Variants in HELQ observed in about 807,000 individuals in gnomAD.
HELQ encodes the protein helicase POLQ-like.
Under a neutral mutation model 111.6 loss-of-function variants are expected in HELQ, and 77 were observed. The observed-to-expected ratio is 0.69, with a 90% CI of 0.57 to 0.83. HELQ has a LOEUF of 0.83. Among genes scored for constraint, HELQ ranks in the 40% least tolerant of loss-of-function variants. The pLI is 0.00. For synonymous variants in HELQ, 438 were observed against 454.7 expected (o/e 0.96, Z 0.47); for missense variants, 1,200 against 1,288.5 (o/e 0.93, Z 1.05).
intron 17 of HELQ, among the ~76,000 whole-genome samples, chr4:83,412,335 A>T (rs1040739982): frequency 6.6e-6 from 1 of 152,188 alleles, no homozygotes; most frequent in African/African-American, 2.4e-5. Flanking sequence ...AGAATACTGG[A>T]TCTGAGTCTG....
rs746574768 is a variant in HELQ, at chr4:83,437,003, T to G, written c.1903A>C (p.Thr635Pro). ...NGNLCPVLKR[T>P]IPFGVAYHHS... Reference sequence around the variant, plus strand: ...TGATAGGCAACTCCAAATGGGATAGTGCGCTTTAAAACAGGACACAGGTTG... The same window carrying G: ...TGATAGGCAACTCCAAATGGGATAGGGCGCTTTAAAACAGGACACAGGTTG... Residue 635 changes from threonine (T) to proline (P), a missense_variant, in exon 9 of 18, where the codon ACT becomes CCT. Transcript: ENST00000295488. The G allele has an allele frequency of 2.5e-6, 4 of 1,614,170 alleles. No individual in the cohort carries two copies. The highest frequency in any genetic ancestry group is 1.6e-4 in the Middle Eastern group (1 of 6,062).
chr4:83,444,773 G>C (rs369014463), intron 5 of HELQ, among the ~76,000 whole-genome samples: 7 of 152,158 alleles, frequency 4.6e-5, no homozygotes, highest in Admixed American at 1.3e-4. Context: ...TGAAGAGGTG[G>C]GCATGGGGTC....
chr4:83,431,744 A>G lies in HELQ; in HGVS notation c.2215T>C (p.Leu739=), dbSNP rs770960260. The G allele has an allele frequency of 3.7e-5, 56 of 1,529,546 alleles. No homozygotes were observed. Among genetic ancestry groups the G allele is most frequent in the Non-Finnish European group, 4.7e-5 (53 of 1,133,258 alleles). The allele number at this position is 1,529,546 out of a possible 1,614,324, so 94.7% of individuals were successfully genotyped here. A position where few individuals can be genotyped will look rare whatever the true frequency, so the allele number is the denominator to read the frequency against. Residue 739 remains leucine (L), a synonymous_variant, in exon 11 of 18, where the codon TTG becomes CTG. Coordinates refer to ENST00000295488, the MANE Select transcript of HELQ (RefSeq NM_133636.5). Reference sequence around the variant, plus strand: ...ACAAGATGGCTGTAACAGTTTTCCAATGGTTTAGTTATTAACTCCAATACC... The same window carrying G: ...ACAAGATGGCTGTAACAGTTTTCCAGTGGTTTAGTTATTAACTCCAATACC... ...QQVLELITKP[L]ENCYSHLVQE...
intron 14 of HELQ, among the ~76,000 whole-genome samples, chr4:83,422,533 A>G (rs1315683309): frequency 2.6e-5 from 4 of 152,182 alleles, no homozygotes; most frequent in Non-Finnish European, 5.9e-5. Flanking sequence ...GTGAAGATGG[A>G]GGCTGAGATT....
chr4:83,446,761 A>T (rs1721070977), intron 4 of HELQ, 74 bp downstream of exon 4: 1 of 885,568 alleles, frequency 1.1e-6, no homozygotes, highest in Non-Finnish European at 1.8e-6. Flanking sequence ...TACTAAGTAG[A>T]TCCACACAAT....
chr4:83,414,616 AAT>A (rs1296770460), intron 17 of HELQ, among the ~76,000 whole-genome samples: 3 of 152,202 alleles, frequency 2.0e-5, no homozygotes, highest in African/African-American at 7.2e-5. Context: ...CAAAATAAGT[AAT>A]GTTATTAATG....
Position 83,441,403 on chromosome 4 carries a change from C to G in HELQ, c.1564G>C (p.Val522Leu). The G allele has an allele frequency of 1.4e-6, 2 of 1,407,962 alleles. No homozygotes were observed. Among genetic ancestry groups the G allele is most frequent in the Non-Finnish European group, 2.0e-6 (2 of 1,002,862 alleles). The allele number at this position is 1,407,962 out of a possible 1,614,324, so 87.2% of individuals were successfully genotyped here. Residue 522 changes from valine (V) to leucine (L), a missense_variant and splice_region_variant, in exon 7 of 18, where the codon GTT (valine) becomes CTT (leucine). Around this residue, in one of 3 missense-constraint regions of HELQ, gnomAD observed 585 missense variants for 665.3 expected, o/e 0.88. Transcript: ENST00000295488. The stretch of plus-strand genomic sequence containing the variant: ...ATTTTCAGATATTCTTTTAACTCAA[C>G]CTTGAATTAAAAGGACATTTGCAAT... The part of the protein sequence containing the change: ...AEYYTSQFRP[V>L]ELKEYLKIND...
At chr4:83,420,575 C>CCA in intron 15 of HELQ, among the ~76,000 whole-genome samples, 1 of 151,960 alleles carries the variant, frequency 6.6e-6, no homozygotes, top group Non-Finnish European at 1.5e-5. Context: ...ACTTGAGGTC[C>CCA]GGAGTTCGAG....
chr4:83,410,726 A>G (rs1739040786), intron 17 of HELQ, among the ~76,000 whole-genome samples: 1 of 152,176 alleles, frequency 6.6e-6, no homozygotes, highest in Admixed American at 6.6e-5. Context: ...TTCACTTATA[A>G]CTAATAGAAT....
chr4:83,434,587 C>T (rs1399800766), intron 9 of HELQ, among the ~76,000 whole-genome samples: 3 of 152,024 alleles, frequency 2.0e-5, no homozygotes, highest in Non-Finnish European at 2.9e-5. Flanking sequence ...CTCAGCCTCT[C>T]GAGCAGCTGG....
chr4:83,410,058 C>T (rs1739004317), intron 17 of HELQ, among the ~76,000 whole-genome samples: 1 of 152,048 alleles, frequency 6.6e-6, no homozygotes, highest in Non-Finnish European at 1.5e-5. Flanking sequence ...AGAGACCAGC[C>T]TGGGCAATGC....
rs1315555811 is a variant in HELQ at position 83,453,533 on chromosome 4, T to C, written c.710A>G (p.His237Arg). The C allele has an allele frequency of 1.2e-6, 2 of 1,613,868 alleles. No individual in the cohort carries two copies. Among genetic ancestry groups the C allele is most frequent in the Non-Finnish European group, 1.7e-6 (2 of 1,179,906 alleles). The change falls in exon 2 of 18, where the codon CAT (histidine) becomes CGT (arginine). Residue 237 changes from histidine to arginine, a missense_variant. Physicochemically the swap from His to Arg is conservative, Grantham distance 29 (BLOSUM62 0). Transcript: ENST00000295488. ...TTGCTGGGGTTGCTCTATGCAATTA[T>C]GGGGCAGTTCCTCATTCACAGTGTT... Reference protein sequence around the residue: ...SHNTVNEELPHNCIEQPQQND... With the variant: ...SHNTVNEELPRNCIEQPQQND...
At position 83,409,925 on chromosome 4, in the gene HELQ, A is replaced by C. The variant is rs137941370; in HGVS notation, c.3199-2365T>G. Among the ~76,000 whole-genome samples, 36 of 152,258 alleles carry C rather than the reference A, an allele frequency of 2.4e-4. 1 individual carries two copies. The East Asian group carries it at 6.9e-3, about 29-fold the overall frequency. On this transcript the variant is annotated intron_variant, in intron 17 of 17. Transcript: ENST00000295488. ...AAAACCTAATTAGGGCCACTGAAAAAATTTAAAAAGCAGGAAAACAATAAA... is the reference window on the plus strand; with the variant it reads ...AAAACCTAATTAGGGCCACTGAAAACATTTAAAAAGCAGGAAAACAATAAA...
chr4:83,444,557 G>A (rs1720953804), intron 5 of HELQ, among the ~76,000 whole-genome samples: 1 of 152,094 alleles, frequency 6.6e-6, no homozygotes, highest in Admixed American at 6.6e-5. Context: ...TAAAGGTGGA[G>A]TGAAGCTTAT....
intron 2 of HELQ, among the ~76,000 whole-genome samples, chr4:83,451,359 T>C (rs932958536): frequency 1.2e-4 from 19 of 152,030 alleles, no homozygotes; most frequent in Non-Finnish European, 2.5e-4. Context: ...GGCACAGTGC[T>C]AGTTAAGAAA....
At chr4:83,418,272 G>A in intron 15 of HELQ, 66 bp from the exon 16 acceptor site, 1 of 832,998 alleles carries the variant, frequency 1.2e-6, no homozygotes, top group Non-Finnish European at 1.9e-6. Flanking sequence ...TGGTTTGTGT[G>A]ATAGGGGGCT....
chr4:83,412,095 G>A (rs1739135853), intron 17 of HELQ, among the ~76,000 whole-genome samples: 1 of 152,204 alleles, frequency 6.6e-6, no homozygotes, highest in Non-Finnish European at 1.5e-5. Context: ...CCAGAGAGAA[G>A]AACTGGGACA....
chr4:83,410,724 T>C (rs1166759758), intron 17 of HELQ, among the ~76,000 whole-genome samples: 2 of 152,156 alleles, frequency 1.3e-5, no homozygotes, highest in Non-Finnish European at 2.9e-5. Context: ...GATTCACTTA[T>C]AACTAATAGA....
intron 9 of HELQ, 34 bp from the exon 10 acceptor site, chr4:83,432,301 A>G (rs748820053): frequency 1.4e-6 from 2 of 1,452,274 alleles, no homozygotes; most frequent in South Asian, 3.1e-5. Flanking sequence ...ACTCTACAGC[A>G]AACAGCACCA....
Sources: allele counts gnomAD v4.1 joint callset (sites outside exome capture counted in the v4.1 genomes callset), GRCh38; gene constraint gnomAD v4.1.1; regional missense constraint gnomAD v4.1.1; transcripts MANE v1.5; gene names NCBI Gene and HGNC (gene_info 2026-07-23, HGNC 2026-07-21).